Variants in RIMS1 observed in about 807,000 individuals in gnomAD.
The protein encoded by RIMS1 is regulating synaptic membrane exocytosis 1, also known as regulating synaptic membrane exocytosis protein 1.
A neutral mutation model predicts 214.1 loss-of-function variants in RIMS1; 83 were observed. The ratio of observed to expected loss-of-function variants is 0.39; its 90% CI spans 0.32 to 0.47. The LOEUF (loss-of-function observed/expected upper bound fraction) is 0.47. Among genes scored for constraint, RIMS1 ranks in the 20% least tolerant of loss-of-function variants. The pLI, the probability that RIMS1 is intolerant of heterozygous loss-of-function variation, is 0.99. For missense variants in RIMS1, 2,050 were observed against 2,161.8 expected (o/e 0.95, Z 1.03); for synonymous variants, 793 against 786.8 (o/e 1.01, Z -0.13).
intron 29 of RIMS1, among the ~76,000 whole-genome samples, chr6:72,362,166 T>G (rs1357020857): frequency 6.6e-6 from 1 of 152,160 alleles, no homozygotes; most frequent in Non-Finnish European, 1.5e-5. Context: ...GATTTTTTTT[T>G]CATACCAATC....
chr6:72,152,755 A>G (rs1055762045), intron 4 of RIMS1, among the ~76,000 whole-genome samples: 38 of 135,298 alleles, frequency 2.8e-4, no homozygotes, highest in African/African-American at 1.0e-3. Context: ...ATATATGTAT[A>G]TATATGGAAT....
chr6:72,275,183 C>G (rs1300341003), intron 23 of RIMS1, among the ~76,000 whole-genome samples: 1 of 89,340 alleles, frequency 1.1e-5, no homozygotes. Context: ...TATATATATG[C>G]TTTATCTTTA....
intron 1 of RIMS1, among the ~76,000 whole-genome samples, chr6:71,918,034 G>A (rs1778942526): frequency 6.6e-6 from 1 of 152,144 alleles, no homozygotes; most frequent in Admixed American, 6.6e-5. Flanking sequence ...GAGATGCTAA[G>A]TACGTAGTCG....
intron 6 of RIMS1, among the ~76,000 whole-genome samples, chr6:72,225,310 C>T (rs2059862772): frequency 6.6e-6 from 1 of 152,060 alleles, no homozygotes; most frequent in African/African-American, 2.4e-5. Context: ...TTCTACATAT[C>T]CTTAAAATTC....
intron 29 of RIMS1, among the ~76,000 whole-genome samples, chr6:72,360,606 AAG>A (rs1202311695): frequency 6.6e-6 from 1 of 151,614 alleles, no homozygotes; most frequent in Non-Finnish European, 1.5e-5. Flanking sequence ...TAGATTTGCA[AAG>A]AGTCTTAATA....
Position 72,316,442 on chromosome 6 carries a change from G to A in RIMS1, c.4130+2770G>A, listed in dbSNP as rs888921810. On this transcript the variant is annotated intron_variant, in intron 28 of 33. Coordinates refer to ENST00000521978, the MANE Select transcript of RIMS1 (RefSeq NM_014989.7). ...CATGCCCAGCTGGCCACAACCACGC[G>A]TGGGGTAGTCCAATAAATACCGTGG... Among the ~76,000 whole-genome samples the A allele has an allele frequency of 2.6e-5, 4 of 152,314 alleles. No homozygotes were observed. In the South Asian group the frequency reaches 6.2e-4, roughly 24 times the overall value.
intron 1 of RIMS1, among the ~76,000 whole-genome samples, chr6:71,961,598 C>T (rs1320011533): frequency 6.6e-6 from 1 of 152,130 alleles, no homozygotes; most frequent in East Asian, 1.9e-4. Context: ...TGCAGTTCCA[C>T]TTGAGCTTCA....
At chr6:72,365,784 TGAG>T (rs1222764658) in intron 29 of RIMS1, 1 of 152,122 alleles carries the variant, frequency 6.6e-6, no homozygotes, top group Non-Finnish European at 1.5e-5. Flanking sequence ...ATTATGGAGG[TGAG>T]GAGGAGCCAC....
At chr6:72,395,310 G>A (rs1227527076) in intron 31 of RIMS1, among the ~76,000 whole-genome samples, 2 of 152,000 alleles carry the variant, frequency 1.3e-5, no homozygotes, top group East Asian at 3.9e-4. Flanking sequence ...GTGGTGAACT[G>A]AACAATCTGT....
chr6:72,229,493 A>G (rs969896037), intron 6 of RIMS1, among the ~76,000 whole-genome samples: 13 of 151,916 alleles, frequency 8.6e-5, no homozygotes, highest in African/African-American at 2.7e-4. Flanking sequence ...AATAAGCCCT[A>G]TTAAATAATA....
chr6:72,139,745 C>T (rs957636987), intron 4 of RIMS1, among the ~76,000 whole-genome samples: 2 of 151,968 alleles, frequency 1.3e-5, no homozygotes, highest in Non-Finnish European at 2.9e-5. Context: ...CAAAAGAATA[C>T]ATTTCCCTAA....
intron 29 of RIMS1, among the ~76,000 whole-genome samples, chr6:72,386,065 A>G (rs1415001088): frequency 6.6e-6 from 1 of 152,196 alleles, no homozygotes; most frequent in Non-Finnish European, 1.5e-5. Flanking sequence ...TTCAATAACT[A>G]GCCCCTCAAA....
At chr6:72,336,545 T>G (rs976181821) in intron 29 of RIMS1, among the ~76,000 whole-genome samples, 11 of 151,806 alleles carry the variant, frequency 7.2e-5, no homozygotes, top group Admixed American at 3.3e-4. Flanking sequence ...TACCAAAATA[T>G]GTAGTTCTGT....
intron 29 of RIMS1, among the ~76,000 whole-genome samples, chr6:72,382,608 A>T (rs2098509477): frequency 6.6e-6 from 1 of 152,170 alleles, no homozygotes; most frequent in African/African-American, 2.4e-5. Context: ...AGTTCAAATG[A>T]TATGTCACTG....
At chr6:71,993,726 G>C (rs1212426379) in intron 2 of RIMS1, among the ~76,000 whole-genome samples, 7 of 152,050 alleles carry the variant, frequency 4.6e-5, no homozygotes, top group South Asian at 4.1e-4. Flanking sequence ...TTCTTTTCTA[G>C]GTTTACAATT....
Position 72,284,131 on chromosome 6 carries a change from T to C in RIMS1, c.3554+13T>C, listed in dbSNP as rs2091432283. The C allele has an allele frequency of 3.1e-6, 5 of 1,609,932 alleles. No homozygotes were observed. In the East Asian group the frequency reaches 1.1e-4, roughly 36 times the overall value. ...CTGATGCAGAAAGGTAGGCTTGGTG[T>C]TGTGGTGTGCTGACATCTTCCATTT... On this transcript the variant is annotated intron_variant, in intron 24 of 33. Transcript: ENST00000521978.
rs80131072 is a variant in RIMS1, at chr6:72,399,836, ATG to A, written c.4861-657_4861-656del. Among the ~76,000 whole-genome samples, 164 of 152,292 alleles carry A rather than the reference ATG, an allele frequency of 1.1e-3. 2 individuals carry two copies. The East Asian group carries it at 0.027, about 25-fold the overall frequency. On this transcript the variant is annotated intron_variant, in intron 33 of 33. Coordinates refer to ENST00000521978, the MANE Select transcript of RIMS1 (RefSeq NM_014989.7). ...GTATTAGAAAATAGAACCTGGGAGT[ATG>A]TGAAATGGAAGGCTTGTCTGACACT...
chr6:71,946,560 G>A (rs1220349773), intron 1 of RIMS1, among the ~76,000 whole-genome samples: 4 of 152,070 alleles, frequency 2.6e-5, no homozygotes, highest in African/African-American at 7.2e-5. Context: ...AAATGGTGCT[G>A]GGAAACCTAG....
At position 71,886,931 on chromosome 6, in the gene RIMS1, C is replaced by A. The variant is rs2150295453; in HGVS notation, c.-93C>A. On this transcript the variant is annotated 5_prime_UTR_variant, in exon 1 of 34. Coordinates refer to ENST00000521978, the MANE Select transcript of RIMS1 (RefSeq NM_014989.7). The stretch of plus-strand genomic sequence containing the variant: ...CCTCCTGCCGCCGCCGCTAGGGCTC[C>A]GCTGTGAGGGGGAAGCAGGGGCGCA... 1.4e-6 allele frequency: 2 copies of A among 1,458,754 alleles called. No homozygotes were observed. The highest frequency in any genetic ancestry group is 1.9e-6 in the Non-Finnish European group (2 of 1,071,792). The allele number at this position is 1,458,754 out of a possible 1,614,324, so 90.4% of individuals were successfully genotyped here.
Sources: allele counts gnomAD v4.1 joint callset (sites outside exome capture counted in the v4.1 genomes callset), GRCh38; gene constraint gnomAD v4.1.1; transcripts MANE v1.5; gene names NCBI Gene and HGNC (gene_info 2026-07-23, HGNC 2026-07-21).